The following NEK1 variants were observed in gnomAD, a reference collection of about 807,000 sequenced individuals.
NEK1 encodes serine/threonine-protein kinase Nek1.
In NEK1, 137 loss-of-function variants were observed where a neutral mutation model predicts 182.1. The ratio of observed to expected loss-of-function variants is 0.75; its 90% CI spans 0.65 to 0.87. The LOEUF is 0.87. Ranked by LOEUF, NEK1 falls within the 40% of genes least tolerant of loss-of-function variation. The pLI, the probability that NEK1 is intolerant of heterozygous loss-of-function variation, is 0.00. For missense variants in NEK1, 1,391 were observed against 1,494.4 expected (o/e 0.93, Z 1.14); for synonymous variants, 513 against 492.2 (o/e 1.04, Z -0.56).
At chr4:169,394,658 C>T (rs979022082) in intron 35 of NEK1, 135 bp from the exon 36 acceptor site, 5 of 508,540 alleles carry the variant, frequency 9.8e-6, no homozygotes. Context: ...TATTTTATCA[C>T]ACATTCCTTG....
intron 12 of NEK1, among the ~76,000 whole-genome samples, chr4:169,571,001 A>G (rs897074671): frequency 2.6e-5 from 4 of 151,786 alleles, no homozygotes; most frequent in Admixed American, 6.6e-5. Flanking sequence ...AAGAGTCATC[A>G]CCACTCCCTA....
At chr4:169,422,665 A>C (rs1164365625) in intron 31 of NEK1, among the ~76,000 whole-genome samples, 1 of 152,146 alleles carries the variant, frequency 6.6e-6, no homozygotes, top group Non-Finnish European at 1.5e-5. Context: ...TTGATTTTCT[A>C]GTGTTTTTTC....
At chr4:169,434,306 G>A (rs1445147840) in intron 28 of NEK1, among the ~76,000 whole-genome samples, 3 of 148,962 alleles carry the variant, frequency 2.0e-5, no homozygotes, top group Admixed American at 1.4e-4. Context: ...TACACCTCCC[G>A]GGCTCAAGTG....
intron 23 of NEK1, among the ~76,000 whole-genome samples, chr4:169,497,851 T>C (rs142333885): frequency 0.071 from 10,853 of 152,168 alleles, 1,265 homozygotes; most frequent in African/African-American, 0.25. Context: ...GAAATAGGTG[T>C]GGTGTGGTGC....
intron 12 of NEK1, among the ~76,000 whole-genome samples, chr4:169,570,890 T>G (rs1764699669): frequency 6.6e-6 from 1 of 152,194 alleles, no homozygotes; most frequent in South Asian, 2.1e-4. Context: ...CCCAACCCAG[T>G]GCTCTCTGAA....
intron 11 of NEK1, 138 bp from the exon 12 acceptor site, chr4:169,577,217 A>T: frequency 1.1e-6 from 1 of 871,654 alleles, no homozygotes; most frequent in Non-Finnish European, 1.7e-6. Context: ...ATCTTAATTC[A>T]TCCCTTAGTA....
At chr4:169,499,099 T>C (rs985897672) in intron 23 of NEK1, among the ~76,000 whole-genome samples, 7 of 152,194 alleles carry the variant, frequency 4.6e-5, no homozygotes, top group African/African-American at 1.7e-4. Flanking sequence ...AGGCTTTGTT[T>C]GTTTCTTTTT....
Position 169,406,585 on chromosome 4 carries a change from A to T in NEK1, c.3374+11T>A, listed in dbSNP as rs201705971. The stretch of plus-strand genomic sequence containing the variant: ...TCTTTTAATGCTGTTTACTAATGAC[A>T]TTATACTTACATGTCTTCAGAATCA... On this transcript the variant is annotated intron_variant, in intron 32 of 35. Coordinates refer to ENST00000507142, the MANE Select transcript of NEK1 (RefSeq NM_001199397.3). The T allele has an allele frequency of 8.9e-6, 14 of 1,573,254 alleles. No individual in the cohort carries two copies. The highest frequency in any genetic ancestry group is 1.2e-5 in the Non-Finnish European group (14 of 1,159,806).
At chr4:169,508,376 C>T in intron 20 of NEK1, 45 bp from the exon 21 acceptor site, 1 of 1,441,092 alleles carries the variant, frequency 6.9e-7, no homozygotes, top group Non-Finnish European at 9.3e-7. Flanking sequence ...AAAAGCAAAG[C>T]TATTGACATT....
At chr4:169,528,193 C>T (rs1409077220) in intron 19 of NEK1, among the ~76,000 whole-genome samples, 3 of 152,132 alleles carry the variant, frequency 2.0e-5, no homozygotes, top group African/African-American at 7.2e-5. Context: ...AACCAACAGA[C>T]TATGACAAAA....
At chr4:169,589,982 C>T (rs888418717) in intron 6 of NEK1, among the ~76,000 whole-genome samples, 4 of 151,888 alleles carry the variant, frequency 2.6e-5, no homozygotes, top group African/African-American at 9.7e-5. Flanking sequence ...TCAACAATAA[C>T]AACAAAAAAA....
At chr4:169,558,502 A>G (rs147110198) in intron 16 of NEK1, among the ~76,000 whole-genome samples, 1 of 152,312 alleles carries the variant, frequency 6.6e-6, no homozygotes, top group Non-Finnish European at 1.5e-5. Context: ...CTTTCCCATT[A>G]TGTCATGTAA....
rs370014704 is a variant in NEK1, at chr4:169,568,518, C to A, written c.1021-6322G>T. On this transcript the variant is annotated intron_variant, in intron 12 of 35. Coordinates refer to ENST00000507142, the MANE Select transcript of NEK1 (RefSeq NM_001199397.3). ...CTGATTTCATACCAATGAAATACAACTACTGATAATCACAAGTAAAAATAT... is the reference window on the plus strand; with the variant it reads ...CTGATTTCATACCAATGAAATACAAATACTGATAATCACAAGTAAAAATAT... 1.1e-4 allele frequency among the ~76,000 whole-genome samples: 16 copies of A among 152,158 alleles called. No homozygotes were observed. In the East Asian group the frequency reaches 2.3e-3, roughly 22 times the overall value.
At chr4:169,549,210 A>T (rs1761033060) in intron 18 of NEK1, among the ~76,000 whole-genome samples, 1 of 152,078 alleles carries the variant, frequency 6.6e-6, no homozygotes, top group Non-Finnish European at 1.5e-5. Flanking sequence ...TGGCTAGGAG[A>T]GGGAGTTCTC....
chr4:169,602,684 A>G lies in NEK1; in HGVS notation c.-48-6T>C. On this transcript the variant is annotated splice_region_variant and splice_polypyrimidine_tract_variant and intron_variant, in intron 2 of 35. Transcript: ENST00000507142. ...TATGCTAGACATTTAAAAAACTAACAAAAAAGATAAAGCATTTATAACATG... is the reference window on the plus strand; with the variant it reads ...TATGCTAGACATTTAAAAAACTAACGAAAAAGATAAAGCATTTATAACATG... 4 of 903,494 alleles carry G rather than the reference A, an allele frequency of 4.4e-6. No homozygotes were observed. Among genetic ancestry groups the G allele is most frequent in the Non-Finnish European group, 5.4e-6 (3 of 552,884 alleles). 56.0% of individuals were successfully genotyped at this position (903,494 alleles called of 1,614,324 possible).
At chr4:169,439,013 CTA>C (rs1738932100) in intron 27 of NEK1, among the ~76,000 whole-genome samples, 1 of 152,170 alleles carries the variant, frequency 6.6e-6, no homozygotes, top group African/African-American at 2.4e-5. Context: ...AACTCCAACT[CTA>C]AAAAAATTTT....
At chr4:169,575,088 A>C (rs1377465671) in intron 12 of NEK1, among the ~76,000 whole-genome samples, 1 of 152,242 alleles carries the variant, frequency 6.6e-6, no homozygotes, top group Non-Finnish European at 1.5e-5. Flanking sequence ...AGAGTCTTAC[A>C]GCAATAGGAG....
At chr4:169,414,840 G>A (rs979766175) in intron 31 of NEK1, among the ~76,000 whole-genome samples, 1 of 152,170 alleles carries the variant, frequency 6.6e-6, no homozygotes, top group Non-Finnish European at 1.5e-5. Flanking sequence ...TTAATCAATG[G>A]TGAATGAACA....
At chr4:169,459,997 G>A (rs1208354238) in intron 27 of NEK1, among the ~76,000 whole-genome samples, 2 of 152,136 alleles carry the variant, frequency 1.3e-5, no homozygotes, top group Non-Finnish European at 2.9e-5. Context: ...AAAGCACCAA[G>A]AGTAAATTTT....
Sources: gnomAD v4.1 joint callset for allele counts (sites outside exome capture counted in the v4.1 genomes callset) on GRCh38, gnomAD v4.1.1 for gene constraint, MANE v1.5 for transcripts, NCBI Gene and HGNC (gene_info 2026-07-23, HGNC 2026-07-21) for gene names.